Variants in HS3ST4 observed in about 807,000 individuals in gnomAD.
The protein encoded by HS3ST4 is heparan sulfate glucosamine 3-O-sulfotransferase 4.
In HS3ST4, 17 loss-of-function variants were observed where a neutral mutation model predicts 29.2. That is an observed-to-expected ratio of 0.58 (90% CI 0.40 to 0.87). The LOEUF (loss-of-function observed/expected upper bound fraction) is 0.87, where lower values mean the gene tolerates loss of function less well. HS3ST4 is among the 40% of genes least tolerant of loss of function. The pLI, the probability that HS3ST4 is intolerant of heterozygous loss-of-function variation, is 0.00. For synonymous variants in HS3ST4, 314 were observed against 285.7 expected, an observed-to-expected ratio of 1.10 and a Z score of -1.00; for missense variants, 627 against 634.5, an observed-to-expected ratio of 0.99 and a Z score of 0.13.
intron 1 of HS3ST4, among the ~76,000 whole-genome samples, chr16:26,061,510 G>A (rs73516330): frequency 0.033 from 5,022 of 152,190 alleles, 318 homozygotes; most frequent in African/African-American, 0.11. Context: ...CAGGAGGTGG[G>A]TAGATTTAAG....
intron 1 of HS3ST4, among the ~76,000 whole-genome samples, chr16:26,040,296 C>CTTTTTTTTTTTTTT (rs565233563): frequency 7.4e-6 from 1 of 135,720 alleles, no homozygotes. Context: ...ATCTTTCTTT[C>CTTTTTTTTTTTTTT]TTTTTTTTTT....
intron 1 of HS3ST4, among the ~76,000 whole-genome samples, chr16:26,040,848 A>T (rs567269844): frequency 1.3e-5 from 2 of 152,234 alleles, no homozygotes; most frequent in East Asian, 3.9e-4. Flanking sequence ...AGAGGTATGC[A>T]TCCATCTCCC....
intron 1 of HS3ST4, among the ~76,000 whole-genome samples, chr16:25,829,586 A>G (rs1435461975): frequency 6.6e-6 from 1 of 151,910 alleles, no homozygotes; most frequent in Non-Finnish European, 1.5e-5. Context: ...CCGACCCTGC[A>G]ACAGGCCCCG....
intron 1 of HS3ST4, among the ~76,000 whole-genome samples, chr16:25,900,961 T>C (rs1407019810): frequency 2.0e-5 from 3 of 152,208 alleles, no homozygotes; most frequent in African/African-American, 7.2e-5. Context: ...GCCGCCATGA[T>C]ACTCTGCTAC....
At chr16:25,745,511 T>G (rs1320245828) in intron 1 of HS3ST4, among the ~76,000 whole-genome samples, 1 of 152,182 alleles carries the variant, frequency 6.6e-6, no homozygotes, top group East Asian at 1.9e-4. Flanking sequence ...TCCTATATTT[T>G]TAAACCTGGT....
chr16:25,909,731 G>C (rs1024595881), intron 1 of HS3ST4, among the ~76,000 whole-genome samples: 2 of 152,180 alleles, frequency 1.3e-5, no homozygotes, highest in African/African-American at 4.8e-5. Flanking sequence ...TCTTTATCGT[G>C]AGTCTCTTTG....
Position 25,856,880 on chromosome 16 carries a change from T to TCTAG in HS3ST4, c.734+163735_734+163738dup, listed in dbSNP as rs531920085. Reference sequence around the variant, plus strand: ...TGCCTTCCTGAGTTCTGTGAGCCATTCTAGCTAGCAAATGATCAAGCCTGA... The same window carrying TCTAG: ...TGCCTTCCTGAGTTCTGTGAGCCATTCTAGCTAGCTAGCAAATGATCAAGCCTGA... On this transcript the variant is annotated intron_variant, in intron 1 of 1. Coordinates refer to ENST00000331351, the MANE Select transcript of HS3ST4 (RefSeq NM_006040.3). 1.1e-3 allele frequency among the ~76,000 whole-genome samples: 170 copies of TCTAG among 152,252 alleles called. 1 individual carries two copies. In the Middle Eastern group the frequency reaches 0.02, roughly 18 times the overall value.
At chr16:25,873,364 A>T (rs1291559412) in intron 1 of HS3ST4, among the ~76,000 whole-genome samples, 44 of 138,426 alleles carry the variant, frequency 3.2e-4, no homozygotes, top group African/African-American at 8.2e-4. Context: ...CCATCCACCT[A>T]GCAAGCCATC....
intron 1 of HS3ST4, among the ~76,000 whole-genome samples, chr16:25,785,589 G>A (rs957770205): frequency 6.6e-6 from 1 of 152,174 alleles, no homozygotes; most frequent in Non-Finnish European, 1.5e-5. Context: ...AGATTGGCAT[G>A]ATCTCAGCCA....
chr16:26,000,219 G>A (rs1969201098), intron 1 of HS3ST4, among the ~76,000 whole-genome samples: 1 of 151,934 alleles, frequency 6.6e-6, no homozygotes, highest in Non-Finnish European at 1.5e-5. Flanking sequence ...CTTCAGGCAT[G>A]GCTGGAATCA....
chr16:25,999,333 G>A (rs1258249126), intron 1 of HS3ST4, among the ~76,000 whole-genome samples: 1 of 152,108 alleles, frequency 6.6e-6, no homozygotes, highest in Non-Finnish European at 1.5e-5. Flanking sequence ...TTTCTTCACT[G>A]CACATGGTGC....
intron 1 of HS3ST4, among the ~76,000 whole-genome samples, chr16:25,974,183 T>G (rs1486940523): frequency 6.6e-6 from 1 of 152,174 alleles, no homozygotes; most frequent in Non-Finnish European, 1.5e-5. Context: ...CCTTTACATT[T>G]CTCTTAGCTG....
chr16:25,915,244 G>A (rs770857684), intron 1 of HS3ST4, among the ~76,000 whole-genome samples: 3 of 152,112 alleles, frequency 2.0e-5, no homozygotes, highest in African/African-American at 2.4e-5. Context: ...CCAAGACTCC[G>A]GGCGTGGGTT....
chr16:25,963,063 AAAATT>A (rs895453307), intron 1 of HS3ST4, among the ~76,000 whole-genome samples: 8 of 152,162 alleles, frequency 5.3e-5, no homozygotes, highest in Admixed American at 3.9e-4. Context: ...GCAGAAGAAA[AAAATT>A]AAATTAAATT....
intron 1 of HS3ST4, among the ~76,000 whole-genome samples, chr16:26,087,849 A>G (rs1271305512): frequency 6.6e-6 from 1 of 152,126 alleles, no homozygotes; most frequent in Non-Finnish European, 1.5e-5. Flanking sequence ...TGGATTAAGG[A>G]TGCTCAATCT....
intron 1 of HS3ST4, among the ~76,000 whole-genome samples, chr16:26,077,554 G>A (rs941772694): frequency 2.6e-5 from 4 of 152,156 alleles, no homozygotes; most frequent in Admixed American, 1.3e-4. Context: ...CATGTTACAC[G>A]TTTATTTGTG....
intron 1 of HS3ST4, among the ~76,000 whole-genome samples, chr16:26,080,049 T>C (rs1448963728): frequency 1.3e-5 from 2 of 152,052 alleles, no homozygotes; most frequent in Admixed American, 6.5e-5. Flanking sequence ...TGGGGAGAAA[T>C]TGGAAGAAAG....
intron 1 of HS3ST4, among the ~76,000 whole-genome samples, chr16:25,869,123 A>G (rs554440532): frequency 2.0e-5 from 3 of 152,220 alleles, no homozygotes; most frequent in African/African-American, 7.2e-5. Context: ...TCAATGAGAA[A>G]TGGTTTCAGA....
chr16:25,838,545 C>T (rs2141643390), intron 1 of HS3ST4, among the ~76,000 whole-genome samples: 1 of 152,308 alleles, frequency 6.6e-6, no homozygotes, highest in Non-Finnish European at 1.5e-5. Context: ...ATTTCCTCAG[C>T]ATGCTATTTA....
Sources: allele counts gnomAD v4.1 joint callset (sites outside exome capture counted in the v4.1 genomes callset), GRCh38; gene constraint gnomAD v4.1.1; transcripts MANE v1.5; gene names NCBI Gene and HGNC (gene_info 2026-07-23, HGNC 2026-07-21).